Variants in DNAH9 observed in about 807,000 individuals in gnomAD.
DNAH9 encodes dynein axonemal heavy chain 9.
A neutral mutation model predicts 471.6 loss-of-function variants in DNAH9; 345 were observed. The ratio of observed to expected loss-of-function variants is 0.73; its 90% CI spans 0.67 to 0.80. The LOEUF is 0.80. Among genes scored for constraint, DNAH9 ranks in the 30% least tolerant of loss-of-function variants. DNAH9 has a pLI of 0.00. For synonymous variants in DNAH9, 2,093 were observed against 2,123.6 expected (o/e 0.99, Z 0.40); for missense variants, 5,407 against 5,609.2 (o/e 0.96, Z 1.15).
chr17:11,605,908 C>A (rs2072494685), intron 1 of DNAH9, among the ~76,000 whole-genome samples: 1 of 152,158 alleles, frequency 6.6e-6, no homozygotes, highest in Non-Finnish European at 1.5e-5. Flanking sequence ...AGACAGTGTA[C>A]ATTCAGTTAT....
At chr17:11,735,876 CCTT>C (rs1480243027) in intron 28 of DNAH9, among the ~76,000 whole-genome samples, 7 of 152,352 alleles carry the variant, frequency 4.6e-5, no homozygotes, top group Admixed American at 2.0e-4. Flanking sequence ...GCACAGCACT[CCTT>C]CTGGTACAAG....
At chr17:11,652,280 C>CTTTTTTTTTTTT (rs11450398) in intron 13 of DNAH9, among the ~76,000 whole-genome samples, 3 of 79,148 alleles carry the variant, frequency 3.8e-5, no homozygotes, top group Admixed American at 2.0e-4. Context: ...TAAGGGTAGG[C>CTTTTTTTTTTTT]TTTTTTTTTT....
rs964823671 is a variant in DNAH9, at chr17:11,622,386, C to T, written c.1350+2605C>T. ...TGCCTCTTTTTCCCTCAGCCGTTTCCATCATGGTTGATGTACAGCCCTTCA... is the reference window on the plus strand; with the variant it reads ...TGCCTCTTTTTCCCTCAGCCGTTTCTATCATGGTTGATGTACAGCCCTTCA... On this transcript the variant is annotated intron_variant, in intron 6 of 68. Coordinates refer to ENST00000262442, the MANE Select transcript of DNAH9 (RefSeq NM_001372.4). Among the ~76,000 whole-genome samples, 6 of 152,260 alleles carry T rather than the reference C, an allele frequency of 3.9e-5. No homozygotes were observed. In the East Asian group the frequency reaches 9.7e-4, roughly 25 times the overall value.
At chr17:11,888,122 A>G (rs566061874) in intron 57 of DNAH9, among the ~76,000 whole-genome samples, 1 of 151,626 alleles carries the variant, frequency 6.6e-6, no homozygotes, top group African/African-American at 2.4e-5. Flanking sequence ...AGCTGGGACT[A>G]CAGGTGCCCA....
At chr17:11,756,437 A>G in intron 33 of DNAH9, 131 bp from the exon 34 acceptor site, 1 of 665,180 alleles carries the variant, frequency 1.5e-6, no homozygotes. Context: ...GGGTGGGGAC[A>G]CAGCCAAACC....
chr17:11,923,949 C>T lies in DNAH9; in HGVS notation c.11877+8C>T, dbSNP rs2151029456. 1.2e-6 allele frequency: 2 copies of T among 1,613,176 alleles called. No homozygotes were observed. The highest frequency in any genetic ancestry group is 4.5e-5 in the East Asian group (2 of 44,844). On this transcript the variant is annotated splice_region_variant and intron_variant, in intron 62 of 68. Coordinates refer to ENST00000262442, the MANE Select transcript of DNAH9 (RefSeq NM_001372.4). ...CACTGGGTTATTTTGCAGGTATGTTCCTCTACCCTTGTCTGGGTTATCTTG... is the reference window on the plus strand; with the variant it reads ...CACTGGGTTATTTTGCAGGTATGTTTCTCTACCCTTGTCTGGGTTATCTTG...
chr17:11,818,885 C>CTAG (rs1555602684), intron 45 of DNAH9, among the ~76,000 whole-genome samples: 37 of 147,208 alleles, frequency 2.5e-4, no homozygotes, highest in African/African-American at 8.4e-4. Flanking sequence ...TCCATTATTA[C>CTAG]TATTATTATT....
rs2075395129 is a variant in DNAH9, at chr17:11,739,011, G to T, written c.5946G>T (p.Leu1982=). Reference sequence around the variant, plus strand: ...CAGGCTATGCTGGCCGCACAGAGCTGCCAGAGAATCTCAAGTCTCTCTTCA... The same window carrying T: ...CAGGCTATGCTGGCCGCACAGAGCTTCCAGAGAATCTCAAGTCTCTCTTCA... The part of the protein sequence containing the change: ...MNPGYAGRTE[L]PENLKSLFRP... The change falls in exon 29 of 69, where the codon CTG becomes CTT. Residue 1982 remains leucine (L), a synonymous_variant. Transcript: ENST00000262442. The T allele has an allele frequency of 3.1e-6, 5 of 1,613,882 alleles. No individual in the cohort carries two copies. Among genetic ancestry groups the T allele is most frequent in the East Asian group, 2.2e-5 (1 of 44,874 alleles).
chr17:11,960,291 T>C (rs924346808), intron 67 of DNAH9, among the ~76,000 whole-genome samples: 79 of 149,050 alleles, frequency 5.3e-4, no homozygotes, highest in South Asian at 1.5e-3. Flanking sequence ...CAAAAATTAG[T>C]CGGGTGTGGT....
At chr17:11,895,860 T>C (rs1375865854) in intron 59 of DNAH9, among the ~76,000 whole-genome samples, 1 of 152,258 alleles carries the variant, frequency 6.6e-6, no homozygotes, top group Non-Finnish European at 1.5e-5. Flanking sequence ...TTTTACTTTA[T>C]AACTAAAACC....
rs2074655912 is a variant in DNAH9, at chr17:11,704,200, C to T, written c.5152-3C>T. ...CTTTACTAGGCAACTCTTGCTGCCACAGGTGGCCCTGACCTGTACTCAGAT... is the reference window on the plus strand; with the variant it reads ...CTTTACTAGGCAACTCTTGCTGCCATAGGTGGCCCTGACCTGTACTCAGAT... On this transcript the variant is annotated splice_region_variant and splice_polypyrimidine_tract_variant and intron_variant, in intron 24 of 68. Transcript: ENST00000262442. The T allele has an allele frequency of 9.9e-6, 16 of 1,614,070 alleles. No individual in the cohort carries two copies. The highest frequency in any genetic ancestry group is 1.4e-5 in the Non-Finnish European group (16 of 1,179,988).
intron 38 of DNAH9, among the ~76,000 whole-genome samples, chr17:11,776,963 A>T (rs1412562294): frequency 1.3e-5 from 2 of 152,212 alleles, no homozygotes; most frequent in Non-Finnish European, 2.9e-5. Flanking sequence ...ATTAAATTAC[A>T]ACATAATGGT....
chr17:11,965,918 C>T (rs114876432), intron 68 of DNAH9, among the ~76,000 whole-genome samples: 4 of 147,460 alleles, frequency 2.7e-5, no homozygotes, highest in East Asian at 2.0e-4. Flanking sequence ...GAAATTATCC[C>T]GTTAGAAGAA....
At position 11,937,366 on chromosome 17, in the gene DNAH9, G is replaced by A. The variant is rs755026798; in HGVS notation, c.12504G>A (p.Glu4168=). ...TTGATTTTCAGTACATCGATGCTGA[G>A]CTGCCCCCAGAATCCCCCTACCTCT... ...YNGYHQYIDA[E]LPPESPYLYG... is the part of the protein sequence containing the mutation. Residue 4168 remains glutamate, a synonymous_variant, in exon 66 of 69, where the codon GAG becomes GAA. Coordinates refer to ENST00000262442, the MANE Select transcript of DNAH9 (RefSeq NM_001372.4). The surrounding 1 kb of genome is among the most constrained non-coding windows in gnomAD (Gnocchi z 4.1). 8 of 1,610,110 alleles carry A rather than the reference G, an allele frequency of 5.0e-6. No homozygotes were observed. Among genetic ancestry groups the A allele is most frequent in the Non-Finnish European group, 4.2e-6 (5 of 1,178,436 alleles).
rs530713279 is a variant in DNAH9 at position 11,902,926 on chromosome 17, T to A, written c.11600+14T>A. 6.3e-4 allele frequency: 1,012 copies of A among 1,609,388 alleles called. 17 individuals carry two copies. The South Asian group carries it at 0.01, about 17-fold the overall frequency. ...CTATGCTTTGCGGTAGGAAACAGGGTGGTGGAAGGCCCAGCATAGGCATGG... is the reference window on the plus strand; with the variant it reads ...CTATGCTTTGCGGTAGGAAACAGGGAGGTGGAAGGCCCAGCATAGGCATGG... On this transcript the variant is annotated intron_variant, in intron 60 of 68. Transcript: ENST00000262442.
intron 41 of DNAH9, among the ~76,000 whole-genome samples, chr17:11,788,290 A>T (rs546979429): frequency 5.9e-5 from 9 of 152,310 alleles, no homozygotes; most frequent in African/African-American, 2.2e-4. Flanking sequence ...GCTGCAATAA[A>T]CATCTGGGTA....
At chr17:11,778,927 A>G (rs766485287) in intron 38 of DNAH9, among the ~76,000 whole-genome samples, 1 of 152,162 alleles carries the variant, frequency 6.6e-6, no homozygotes, top group South Asian at 2.1e-4. Flanking sequence ...AATTGCTTGA[A>G]CCCAGGAGGC....
intron 14 of DNAH9, among the ~76,000 whole-genome samples, chr17:11,660,398 CT>C (rs2073738020): frequency 7.3e-6 from 1 of 137,656 alleles, no homozygotes; most frequent in African/African-American, 2.7e-5. Context: ...TCTCAACTTA[CT>C]GCAACCTGCG....
intron 24 of DNAH9, among the ~76,000 whole-genome samples, chr17:11,701,750 C>T (rs1042555242): frequency 1.3e-5 from 2 of 152,190 alleles, no homozygotes; most frequent in Non-Finnish European, 2.9e-5. Flanking sequence ...ACGATGTCGG[C>T]TCACTGCAAC....
Sources: gnomAD v4.1 joint callset for allele counts (sites outside exome capture counted in the v4.1 genomes callset) on GRCh38, gnomAD v4.1.1 for gene constraint, Gnocchi (gnomAD v3.1) non-coding constraint, MANE v1.5 for transcripts, NCBI Gene and HGNC (gene_info 2026-07-23, HGNC 2026-07-21) for gene names.